The following CEP97 variants were observed in gnomAD, a reference collection of about 807,000 sequenced individuals.
The protein encoded by CEP97 is centrosomal protein of 97 kDa.
A neutral mutation model predicts 73.1 loss-of-function variants in CEP97; 43 were observed. The observed-to-expected ratio is 0.59, with a 90% CI of 0.46 to 0.76. The LOEUF is 0.76. CEP97 is among the 30% of genes least tolerant of loss of function. The pLI, the probability that CEP97 is intolerant of heterozygous loss-of-function variation, is 0.00. For missense variants in CEP97, 939 were observed against 1,014.0 expected (o/e 0.93, Z 1.00); for synonymous variants, 337 against 370.0 (o/e 0.91, Z 1.02).
intron 6 of CEP97, among the ~76,000 whole-genome samples, chr3:101,747,283 G>A (rs1204444156): frequency 2.6e-4 from 37 of 143,560 alleles, no homozygotes; most frequent in East Asian, 1.6e-3. Flanking sequence ...TTTTTGAGAC[G>A]GAATCTCACT....
Position 101,766,842 on chromosome 3 carries a change from G to A in CEP97, c.*1291G>A, listed in dbSNP as rs534636771. ...TTAGGTGCTAAATATCTATTATTCTGTTGTAGTCATTAGGTGCCCTTCTCT... is the reference window on the plus strand; with the variant it reads ...TTAGGTGCTAAATATCTATTATTCTATTGTAGTCATTAGGTGCCCTTCTCT... On this transcript the variant is annotated 3_prime_UTR_variant, in exon 11 of 11. Transcript: ENST00000341893. 1 of 152,262 alleles carries A rather than the reference G, an allele frequency of 6.6e-6. No individual in the cohort carries two copies. The highest frequency in any genetic ancestry group is 2.1e-4 in the South Asian group (1 of 4,824). 9.4% of individuals were successfully genotyped at this position (152,262 alleles called of 1,614,324 possible). A position where few individuals can be genotyped will look rare whatever the true frequency, so the allele number is the denominator to read the frequency against.
chr3:101,739,576 G>A (rs1306583777), intron 6 of CEP97, among the ~76,000 whole-genome samples: 1 of 152,090 alleles, frequency 6.6e-6, no homozygotes, highest in East Asian at 1.9e-4. Flanking sequence ...AAAACCACAT[G>A]ATTATCTCAA....
intron 4 of CEP97, among the ~76,000 whole-genome samples, chr3:101,730,276 GTTTT>G (rs1938064160): frequency 7.7e-6 from 1 of 130,612 alleles, no homozygotes; most frequent in African/African-American, 3.0e-5. Flanking sequence ...GTTTTGTTTT[GTTTT>G]GTTGAGACGG....
At chr3:101,728,262 G>GA (rs1937964270) in intron 3 of CEP97, among the ~76,000 whole-genome samples, 1 of 135,398 alleles carries the variant, frequency 7.4e-6, no homozygotes, top group Non-Finnish European at 1.6e-5. Flanking sequence ...GGTTTCTTTT[G>GA]TTTTTTTTTT....
In CEP97 at chr3:101,761,208, G is replaced by A. The variant is rs114270295; in HGVS notation, c.1818-1277G>A. On this transcript the variant is annotated intron_variant, in intron 9 of 10. Coordinates refer to ENST00000341893, the MANE Select transcript of CEP97 (RefSeq NM_024548.4). ...TGAGGTAAAAGGGAAGTGAAGGCAG[G>A]GGGGAAGGATCATTGGACTGAAGGT... 3.6e-3 allele frequency among the ~76,000 whole-genome samples: 551 copies of A among 152,270 alleles called. 2 individuals are homozygous for A. The highest frequency in any genetic ancestry group is 0.012 in the African/African-American group (515 of 41,552).
intron 9 of CEP97, chr3:101,758,988 A>C (rs1300541210): frequency 6.5e-6 from 1 of 153,600 alleles, no homozygotes; most frequent in Non-Finnish European, 1.4e-5. Context: ...GATACTGAGA[A>C]GGGACAGCCA....
rs150166739 is a variant in CEP97, at chr3:101,732,464, CA to C, written c.562-22del. 1.0e-5 allele frequency: 16 copies of C among 1,568,440 alleles called. No homozygotes were observed. In the African/African-American group the frequency reaches 2.0e-4, roughly 20 times the overall value. ...CTTGACACTGAATAGTCCTTTTGTT[CA>C]ACAAAGATATCTTTTGTTCCAGATC... On this transcript the variant is annotated intron_variant, in intron 5 of 10. Coordinates refer to ENST00000341893, the MANE Select transcript of CEP97 (RefSeq NM_024548.4).
chr3:101,740,533 C>T (rs1369188473), intron 6 of CEP97, among the ~76,000 whole-genome samples: 6 of 151,998 alleles, frequency 3.9e-5, no homozygotes, highest in East Asian at 1.9e-4. Flanking sequence ...TGAAAATGGC[C>T]ATACTGCCCA....
intron 6 of CEP97, among the ~76,000 whole-genome samples, chr3:101,736,093 GGCAGA>G (rs1938267772): frequency 6.6e-6 from 1 of 152,182 alleles, no homozygotes; most frequent in African/African-American, 2.4e-5. Flanking sequence ...GTTCAAACTG[GGCAGA>G]GCCCACTGCA....
chr3:101,736,942 T>G (rs1376721808), intron 6 of CEP97, among the ~76,000 whole-genome samples: 1 of 152,202 alleles, frequency 6.6e-6, no homozygotes, highest in African/African-American at 2.4e-5. Flanking sequence ...CTAAGAACCT[T>G]GAACAAAGGT....
At position 101,726,548 on chromosome 3, in the gene CEP97, T is replaced by C. The variant is rs751521173; in HGVS notation, c.44-46T>C. ...CAGCCCTATGCTTAGCTGTTGTACA[T>C]GTTTTATTTTATTTGTGTTTTCTAA... On this transcript the variant is annotated intron_variant, in intron 1 of 10. Transcript: ENST00000341893. 2.7e-6 allele frequency: 4 copies of C among 1,480,492 alleles called. No individual in the cohort carries two copies. In the Admixed American group the frequency reaches 6.6e-5, roughly 24 times the overall value. 91.7% of individuals were successfully genotyped at this position (1,480,492 alleles called of 1,614,324 possible).
intron 1 of CEP97, 81 bp downstream of exon 1, chr3:101,724,800 A>G: frequency 7.0e-7 from 1 of 1,437,578 alleles, no homozygotes; most frequent in African/African-American, 1.4e-5. Flanking sequence ...ACCTAGGTTT[A>G]GATGTGCAGT....
rs746304624 is a variant in CEP97 at position 101,758,079 on chromosome 3, T to C, written c.1473T>C (p.Ser491=). Residue 491 remains serine (S), a synonymous_variant, in exon 9 of 11, where the codon AGT becomes AGC. Transcript: ENST00000341893. ...LLPCPEPTII[S]AILKDDNHSL... ...CTTGTCCTGAGCCAACAATAATCAG[T>C]GCTATCTTGAAGGATGATAACCACA... is the stretch of plus-strand genomic sequence containing the variant. The C allele has an allele frequency of 1.6e-5, 26 of 1,614,092 alleles. No homozygotes were observed. The East Asian group carries it at 5.6e-4, about 35-fold the overall frequency.
chr3:101,751,814 G>A (rs1416061773), intron 6 of CEP97, among the ~76,000 whole-genome samples: 8 of 152,158 alleles, frequency 5.3e-5, no homozygotes, highest in East Asian at 1.9e-4. Context: ...GTCTCTGCAC[G>A]TGAGATGGGT....
chr3:101,769,456 G>C lies in CEP97; in HGVS notation c.*3905G>C, dbSNP rs1939405890. The stretch of plus-strand genomic sequence containing the variant: ...GCTTCCTGTGTAGCTGGGATTACAG[G>C]TGTGCAACCACAAGGCTCGGCTAAT... On this transcript the variant is annotated 3_prime_UTR_variant, in exon 11 of 11. Transcript: ENST00000341893. 1 of 151,764 alleles carries C rather than the reference G, an allele frequency of 6.6e-6. No individual in the cohort carries two copies. Among genetic ancestry groups the C allele is most frequent in the Non-Finnish European group, 1.5e-5 (1 of 67,980 alleles). The allele number at this position is 151,764 out of a possible 1,614,324, so 9.4% of individuals were successfully genotyped here.
chr3:101,734,525 G>T (rs1390832849), intron 6 of CEP97, among the ~76,000 whole-genome samples: 1 of 152,114 alleles, frequency 6.6e-6, no homozygotes, highest in Non-Finnish European at 1.5e-5. Context: ...TCCCTTCTCT[G>T]TCTCTCTGCT....
rs548722311 is a variant in CEP97 at position 101,727,436 on chromosome 3, G to A, written c.240G>A (p.Thr80=). ...LVRMMGVAKL[T]LLRVLNLPHN... is the part of the protein sequence containing the mutation. ...GGATGATGGGTGTGGCCAAGCTGAC[G>A]TTGCTTCGTGTATTAAATTTGCCTC... is the stretch of plus-strand genomic sequence containing the variant. The change falls in exon 3 of 11, where the codon ACG becomes ACA. Residue 80 remains threonine, a synonymous_variant. Transcript: ENST00000341893. 6.2e-6 allele frequency: 10 copies of A among 1,613,906 alleles called. No individual in the cohort carries two copies. Among genetic ancestry groups the A allele is most frequent in the African/African-American group, 2.7e-5 (2 of 75,032 alleles).
chr3:101,757,746 T>C lies in CEP97; in HGVS notation c.1140T>C (p.Asn380=), dbSNP rs375927528. The C allele has an allele frequency of 6.2e-7, 1 of 1,614,132 alleles. No individual in the cohort carries two copies. The highest frequency in any genetic ancestry group is 1.7e-5 in the Admixed American group (1 of 60,016). Residue 380 remains asparagine (N), a synonymous_variant, in exon 9 of 11, where the codon AAT becomes AAC. Coordinates refer to ENST00000341893, the MANE Select transcript of CEP97 (RefSeq NM_024548.4). ...ASVHTTRYSR[N]DLHLEDIQTD... ...TACACACTACGAGATATTCTCGAAATGATCTGCACCTGGAAGACATACAGA... is the reference window on the plus strand; with the variant it reads ...TACACACTACGAGATATTCTCGAAACGATCTGCACCTGGAAGACATACAGA...
At chr3:101,762,048 G>A (rs750197762) in intron 9 of CEP97, among the ~76,000 whole-genome samples, 13 of 152,264 alleles carry the variant, frequency 8.5e-5, no homozygotes, top group African/African-American at 2.4e-4. Context: ...GCTGGATCAC[G>A]AGTACTTAAA....
Sources: gnomAD v4.1 joint callset for allele counts (sites outside exome capture counted in the v4.1 genomes callset) on GRCh38, gnomAD v4.1.1 for gene constraint, MANE v1.5 for transcripts, NCBI Gene and HGNC (gene_info 2026-07-23, HGNC 2026-07-21) for gene names.